The following CCDC141 variants were observed in gnomAD, a reference collection of about 807,000 sequenced individuals.
CCDC141 encodes coiled-coil domain-containing protein 141.
CCDC141 carries 168 observed loss-of-function variants against 181.0 expected under a neutral mutation model. The observed-to-expected ratio is 0.93, with a 90% confidence interval of 0.82 to 1.05. CCDC141 has a LOEUF of 1.05. Ranked by LOEUF, CCDC141 falls within the 50% of genes least tolerant of loss-of-function variation. CCDC141 has a pLI of 0.00. For missense variants in CCDC141, 1,902 were observed against 1,788.5 expected (o/e 1.06, Z -1.14); for synonymous variants, 666 against 642.3 (o/e 1.04, Z -0.56).
chr2:179,010,118 A>C (rs528977035), intron 2 of CCDC141, among the ~76,000 whole-genome samples: 1 of 152,052 alleles, frequency 6.6e-6, no homozygotes, highest in Non-Finnish European at 1.5e-5. Context: ...AGAATAAGAA[A>C]ATATGAACAA....
chr2:178,987,608 C>A (rs201658329), intron 2 of CCDC141, among the ~76,000 whole-genome samples: 2,870 of 149,138 alleles, frequency 0.019, 48 homozygotes, highest in East Asian at 0.1. Context: ...CAATGAACTC[C>A]AACAAATTTA....
intron 4 of CCDC141, among the ~76,000 whole-genome samples, chr2:178,963,469 C>A (rs919054166): frequency 2.6e-5 from 4 of 151,968 alleles, no homozygotes; most frequent in East Asian, 1.9e-4. Context: ...AGAGACTAAG[C>A]ATCTTACCAA....
intron 12 of CCDC141, 63 bp downstream of exon 12, chr2:178,877,901 T>A: frequency 1.4e-6 from 2 of 1,466,958 alleles, no homozygotes; most frequent in Non-Finnish European, 1.9e-6. Context: ...ACCTTTGAAA[T>A]TATTATTTTG....
chr2:178,838,029 AG>A (rs1561622332), intron 22 of CCDC141, among the ~76,000 whole-genome samples: 1 of 152,142 alleles, frequency 6.6e-6, no homozygotes, highest in African/African-American at 2.4e-5. Flanking sequence ...TCTGTAGTGA[AG>A]GGGTTGGACT....
At chr2:178,862,783 G>A (rs928825980) in intron 17 of CCDC141, among the ~76,000 whole-genome samples, 7 of 152,136 alleles carry the variant, frequency 4.6e-5, no homozygotes, top group African/African-American at 1.2e-4. Flanking sequence ...ACTATCATTC[G>A]TTGTCTCTAA....
chr2:179,004,323 A>G (rs2042063969), intron 2 of CCDC141, among the ~76,000 whole-genome samples: 1 of 152,130 alleles, frequency 6.6e-6, no homozygotes, highest in Non-Finnish European at 1.5e-5. Flanking sequence ...TTGCTACCAT[A>G]TTGCCAATGC....
intron 4 of CCDC141, among the ~76,000 whole-genome samples, chr2:178,969,104 CAAAAA>C (rs55999054): frequency 9.8e-5 from 5 of 51,168 alleles, no homozygotes; most frequent in East Asian, 6.6e-4. Flanking sequence ...GCTTACCAAC[CAAAAA>C]AAAAAAAAAA....
intron 17 of CCDC141, among the ~76,000 whole-genome samples, chr2:178,861,330 C>T (rs1370653776): frequency 6.6e-6 from 1 of 152,098 alleles, no homozygotes; most frequent in East Asian, 1.9e-4. Context: ...CCATGCTCGG[C>T]TAATTTTTAA....
Position 179,011,157 on chromosome 2 carries a change from C to CA in CCDC141, c.226-32483dup, listed in dbSNP as rs111517221. 9.3e-3 allele frequency among the ~76,000 whole-genome samples: 1,309 copies of CA among 141,244 alleles called. 14 individuals carry two copies. Among genetic ancestry groups the CA allele is most frequent in the African/African-American group, 0.02 (779 of 38,656 alleles). 92.7% of individuals were successfully genotyped at this position (141,244 alleles called of 152,430 possible). A position where few individuals can be genotyped will look rare whatever the true frequency, so the allele number is the denominator to read the frequency against. On this transcript the variant is annotated intron_variant, in intron 2 of 23. Coordinates refer to ENST00000443758, the MANE Select transcript of CCDC141 (RefSeq NM_173648.4). ...TGGGCAATAGGGTGAGACTCTGTCT[C>CA]AAAAAAAAAAAGAGATACAGACTTG...
At chr2:178,996,377 C>T (rs1289318250) in intron 2 of CCDC141, among the ~76,000 whole-genome samples, 1 of 151,966 alleles carries the variant, frequency 6.6e-6, no homozygotes, top group Non-Finnish European at 1.5e-5. Context: ...CGCACCTGGC[C>T]AAAATTGGAA....
intron 6 of CCDC141, among the ~76,000 whole-genome samples, chr2:178,919,472 G>A (rs967590538): frequency 2.6e-5 from 4 of 152,184 alleles, no homozygotes; most frequent in East Asian, 1.9e-4. Context: ...AAAGAGGCAG[G>A]AAGTTGGGAT....
At chr2:178,946,709 G>A (rs1050803297) in intron 5 of CCDC141, among the ~76,000 whole-genome samples, 2 of 152,094 alleles carry the variant, frequency 1.3e-5, no homozygotes. Flanking sequence ...ATGAAAGCTG[G>A]GAAAGAGTGA....
chr2:178,991,111 C>T (rs1326179321), intron 2 of CCDC141, among the ~76,000 whole-genome samples: 4 of 152,130 alleles, frequency 2.6e-5, no homozygotes, highest in African/African-American at 9.7e-5. Flanking sequence ...GTTTTGCCCA[C>T]GACTGTCACT....
chr2:178,867,938 T>C lies in CCDC141; in HGVS notation c.2574+88A>G, dbSNP rs1685924824. 5 of 1,048,878 alleles carry C rather than the reference T, an allele frequency of 4.8e-6. No homozygotes were observed. The South Asian group carries it at 1.0e-4, about 21-fold the overall frequency. The allele number at this position is 1,048,878 out of a possible 1,614,324, so 65.0% of individuals were successfully genotyped here. A position where few individuals can be genotyped will look rare whatever the true frequency, so the allele number is the denominator to read the frequency against. The stretch of plus-strand genomic sequence containing the variant: ...TTAGTTTATTTTTAAATTTAACATA[T>C]ACTAAGCAATCTGCCTGGTTTCTTT... On this transcript the variant is annotated intron_variant, in intron 16 of 23. Coordinates refer to ENST00000443758, the MANE Select transcript of CCDC141 (RefSeq NM_173648.4).
At chr2:178,820,333 G>A in the CCDC141 span, among the ~76,000 whole-genome samples, 1 of 152,124 alleles carries the variant, frequency 6.6e-6, no homozygotes, top group Non-Finnish European at 1.5e-5. Context: ...AAGGTTGGGG[G>A]AGGGGTTGTA....
intron 5 of CCDC141, among the ~76,000 whole-genome samples, chr2:178,948,894 C>A (rs531853243): frequency 3.3e-5 from 5 of 152,264 alleles, no homozygotes; most frequent in African/African-American, 1.2e-4. Context: ...GCCAAATAAC[C>A]CTTTCATCTT....
chr2:178,954,053 A>T (rs188589269), intron 5 of CCDC141, among the ~76,000 whole-genome samples: 50 of 152,350 alleles, frequency 3.3e-4, no homozygotes, highest in Admixed American at 6.5e-4. Context: ...CTAAAGGTGT[A>T]TATCTTATAT....
In CCDC141 at chr2:178,978,670, C is replaced by T. The variant is rs755933021; in HGVS notation, c.231G>A (p.Leu77=). The T allele has an allele frequency of 4.6e-6, 7 of 1,533,794 alleles. No homozygotes were observed. Among genetic ancestry groups the T allele is most frequent in the Non-Finnish European group, 6.1e-6 (7 of 1,139,842 alleles). The change falls in exon 3 of 24, where the codon TTG becomes TTA. Residue 77 remains leucine (L), a synonymous_variant. Coordinates refer to ENST00000443758, the MANE Select transcript of CCDC141 (RefSeq NM_173648.4). ...GCAAGAGTTCCCATACCCGATCTTC[C>T]AAAGCCTAAGTACAAAAGAAAAAGG... is the stretch of plus-strand genomic sequence containing the variant. ...HELLLAKLKA[L]EDRVWELLQE...
chr2:178,855,536 C>A lies in CCDC141; in HGVS notation c.2871G>T (p.Leu957Phe). The A allele has an allele frequency of 6.3e-7, 1 of 1,575,242 alleles. No homozygotes were observed. The highest frequency in any genetic ancestry group is 1.2e-5 in the South Asian group (1 of 82,168). The part of the protein sequence containing the change: ...VDMYAEKMQA[L>F]KRKMEKVSNK... ...TACTAACTTTTTCCATTTTCCTTTTCAAAGCCTGTGTGAAAAACAAAAAGT... is the reference window on the plus strand; with the variant it reads ...TACTAACTTTTTCCATTTTCCTTTTAAAAGCCTGTGTGAAAAACAAAAAGT... Residue 957 changes from leucine (L) to phenylalanine (F), a missense_variant, in exon 19 of 24, where the codon TTG becomes TTT. Transcript: ENST00000443758.
Sources: gnomAD v4.1 joint callset for allele counts (sites outside exome capture counted in the v4.1 genomes callset) on GRCh38, gnomAD v4.1.1 for gene constraint, MANE v1.5 for transcripts, NCBI Gene and HGNC (gene_info 2026-07-23, HGNC 2026-07-21) for gene names.